Variants in ZPR1 observed in about 807,000 individuals in gnomAD.
ZPR1 encodes the protein zinc finger protein ZPR1.
In ZPR1, 37 loss-of-function variants were observed where a neutral mutation model predicts 59.6. The observed-to-expected ratio is 0.62, with a 90% CI of 0.48 to 0.82. The LOEUF (loss-of-function observed/expected upper bound fraction) is 0.82, where lower values mean the gene tolerates loss of function less well. Ranked by LOEUF, ZPR1 falls within the 40% of genes least tolerant of loss-of-function variation. The pLI, the probability that ZPR1 is intolerant of heterozygous loss-of-function variation, is 0.00. For missense variants in ZPR1, 527 were observed against 579.9 expected (o/e 0.91, Z 0.94); for synonymous variants, 191 against 215.2 (o/e 0.89, Z 0.99).
intron 8 of ZPR1, 23 bp downstream of exon 8, chr11:116,784,832 C>T: frequency 6.2e-7 from 1 of 1,613,778 alleles, no homozygotes. Context: ...TGAAGAGCAA[C>T]CCAACTGCTT....
chr11:116,783,343 AG>A (rs1207574142), intron 10 of ZPR1, among the ~76,000 whole-genome samples, 186 bp downstream of exon 10: 1 of 152,240 alleles, frequency 6.6e-6, no homozygotes, highest in East Asian at 1.9e-4. Flanking sequence ...AAGAGCTAAC[AG>A]GGTCACCTTC....
chr11:116,776,542 G>C lies in ZPR1; in HGVS notation c.*2383C>G, dbSNP rs1303518142. 6.6e-6 allele frequency: 1 copy of C among 152,202 alleles called. No individual in the cohort carries two copies. Among genetic ancestry groups the C allele is most frequent in the East Asian group, 1.9e-4 (1 of 5,194 alleles). 9.4% of individuals were successfully genotyped at this position (152,202 alleles called of 1,614,324 possible). ...AAAGGAGCTGAAAGATAATTCAAGA[G>C]AAGGGTATGAAACTGAAGAATGCCT... On this transcript the variant is annotated 3_prime_UTR_variant, in exon 14 of 14. Transcript: ENST00000227322.
chr11:116,782,791 A>G (rs1196357923), intron 11 of ZPR1, 128 bp downstream of exon 11: 2 of 682,990 alleles, frequency 2.9e-6, no homozygotes, highest in Non-Finnish European at 5.1e-6. Context: ...TAAGTCTCTT[A>G]AACCAGCTTT....
chr11:116,784,836 A>C lies in ZPR1; in HGVS notation c.820+19T>G. 1 of 1,614,036 alleles carries C rather than the reference A, an allele frequency of 6.2e-7. No individual in the cohort carries two copies. The highest frequency in any genetic ancestry group is 1.1e-5 in the South Asian group (1 of 91,062). ...CCTGAGTCAGATGAAGAGCAACCCAACTGCTTGGCAAAAGATACGTACTAG... is the reference window on the plus strand; with the variant it reads ...CCTGAGTCAGATGAAGAGCAACCCACCTGCTTGGCAAAAGATACGTACTAG... On this transcript the variant is annotated intron_variant, in intron 8 of 13. Coordinates refer to ENST00000227322, the MANE Select transcript of ZPR1 (RefSeq NM_003904.5).
At position 116,777,453 on chromosome 11, in the gene ZPR1, G is replaced by A. The variant is rs1038274350; in HGVS notation, c.*1472C>T. On this transcript the variant is annotated 3_prime_UTR_variant, in exon 14 of 14. Transcript: ENST00000227322. ...AGGCTGGCGGATTGCCTGAGCTCAGGAGTTCGAGACCAGCCTGGGCAACAC... is the reference window on the plus strand; with the variant it reads ...AGGCTGGCGGATTGCCTGAGCTCAGAAGTTCGAGACCAGCCTGGGCAACAC... The A allele has an allele frequency of 4.6e-5, 7 of 152,250 alleles. No homozygotes were observed. The highest frequency in any genetic ancestry group is 2.0e-4 in the Admixed American group (3 of 15,274). 9.4% of individuals were successfully genotyped at this position (152,250 alleles called of 1,614,324 possible). A position where few individuals can be genotyped will look rare whatever the true frequency, so the allele number is the denominator to read the frequency against.
In ZPR1 at chr11:116,778,961, T is replaced by G; in HGVS notation, c.1344A>C (p.Thr448=). The G allele has an allele frequency of 6.2e-7, 1 of 1,614,226 alleles. No individual in the cohort carries two copies. The highest frequency in any genetic ancestry group is 1.1e-5 in the South Asian group (1 of 91,086). ...GAGCCAGGCCTGCCTCATAGCCCTC[T>G]GTCTTCATGTCATTGAGCCCTAGCT... ...NEELGLNDMK[T]EGYEAGLAPQ... The change falls in exon 14 of 14, where the codon ACA becomes ACC. Residue 448 remains threonine, a synonymous_variant. Transcript: ENST00000227322.
In ZPR1 at chr11:116,785,828, C is replaced by T. The variant is rs1186053829; in HGVS notation, c.550G>A (p.Glu184Lys). 1 of 1,614,210 alleles carries T rather than the reference C, an allele frequency of 6.2e-7. No homozygotes were observed. Among genetic ancestry groups the T allele is most frequent in the Admixed American group, 1.7e-5 (1 of 60,028 alleles). ...AAAGGGGAGGCTACTTGCTTTAGCT[C>T]CTTCAGTTTGACAATGAACTCATCA... Reference protein sequence around the residue: ...RIDEFIVKLKELKQVASPFTL... With the variant: ...RIDEFIVKLKKLKQVASPFTL... Residue 184 changes from glutamate (E) to lysine (K), a missense_variant, in exon 5 of 14, where the codon GAG (glutamate) becomes AAG (lysine). Glu to Lys is a moderately conservative substitution (Grantham distance 56). Coordinates refer to ENST00000227322, the MANE Select transcript of ZPR1 (RefSeq NM_003904.5).
chr11:116,786,746 C>T (rs1184401155), intron 3 of ZPR1, among the ~76,000 whole-genome samples, 165 bp from the exon 4 acceptor site: 1 of 152,164 alleles, frequency 6.6e-6, no homozygotes, highest in Non-Finnish European at 1.5e-5. Flanking sequence ...AATAGTGATG[C>T]TAAAATTCTA....
In ZPR1 at chr11:116,778,916, C is replaced by T. The variant is rs573620469; in HGVS notation, c.*9G>A. 7.5e-5 allele frequency: 121 copies of T among 1,613,086 alleles called. No individual in the cohort carries two copies. The highest frequency in any genetic ancestry group is 1.0e-4 in the Non-Finnish European group (118 of 1,179,930). ...CAGCGCTGGAGGCTGGCCCTTGAGCCACCCACTGCTACCGTTGCGGAGCCA... is the reference window on the plus strand; with the variant it reads ...CAGCGCTGGAGGCTGGCCCTTGAGCTACCCACTGCTACCGTTGCGGAGCCA... On this transcript the variant is annotated 3_prime_UTR_variant, in exon 14 of 14. Coordinates refer to ENST00000227322, the MANE Select transcript of ZPR1 (RefSeq NM_003904.5).
In ZPR1 at chr11:116,778,644, C is replaced by T; in HGVS notation, c.*281G>A. 1 of 375,312 alleles carries T rather than the reference C, an allele frequency of 2.7e-6. No homozygotes were observed. Among genetic ancestry groups the T allele is most frequent in the Admixed American group, 4.3e-5 (1 of 23,272 alleles). 23.2% of individuals were successfully genotyped at this position (375,312 alleles called of 1,614,324 possible). ...GCATTATGTGGAAGGAGGGTGAGGA[C>T]TTGATATGAAAAAAGTGATGACATA... On this transcript the variant is annotated 3_prime_UTR_variant, in exon 14 of 14. Coordinates refer to ENST00000227322, the MANE Select transcript of ZPR1 (RefSeq NM_003904.5).
Position 116,778,166 on chromosome 11 carries a change from A to G in ZPR1, c.*759T>C, listed in dbSNP as rs1250086981. On this transcript the variant is annotated 3_prime_UTR_variant, in exon 14 of 14. Coordinates refer to ENST00000227322, the MANE Select transcript of ZPR1 (RefSeq NM_003904.5). ...CCCATTCCCTGCTTTACATTCCTCCATGACACTAATCACCATCTGATGTAC... is the reference window on the plus strand; with the variant it reads ...CCCATTCCCTGCTTTACATTCCTCCGTGACACTAATCACCATCTGATGTAC... The G allele has an allele frequency of 6.6e-6, 1 of 152,130 alleles. No individual in the cohort carries two copies. The highest frequency in any genetic ancestry group is 6.5e-5 in the Admixed American group (1 of 15,276). 9.4% of individuals were successfully genotyped at this position (152,130 alleles called of 1,614,324 possible). A position where few individuals can be genotyped will look rare whatever the true frequency, so the allele number is the denominator to read the frequency against.
At chr11:116,787,452 A>C in intron 2 of ZPR1, 30 bp downstream of exon 2, 1 of 1,604,646 alleles carries the variant, frequency 6.2e-7, no homozygotes, top group Non-Finnish European at 8.5e-7. Flanking sequence ...TCTCTAGAAT[A>C]CTGAGGTACC....
chr11:116,788,017 G>T lies in ZPR1; in HGVS notation c.-27C>A, dbSNP rs1404555886. 5 of 1,410,918 alleles carry T rather than the reference G, an allele frequency of 3.5e-6. No individual in the cohort carries two copies. The highest frequency in any genetic ancestry group is 4.6e-6 in the Non-Finnish European group (5 of 1,090,728). The allele number at this position is 1,410,918 out of a possible 1,614,324, so 87.4% of individuals were successfully genotyped here. On this transcript the variant is annotated 5_prime_UTR_variant, in exon 1 of 14. Coordinates refer to ENST00000227322, the MANE Select transcript of ZPR1 (RefSeq NM_003904.5). ...GCCACCACGCGCAATTCAGACCTCGGCTTCCTACTTCCGCCGCTCTCGCGG... is the reference window on the plus strand; with the variant it reads ...GCCACCACGCGCAATTCAGACCTCGTCTTCCTACTTCCGCCGCTCTCGCGG...
intron 1 of ZPR1, 64 bp from the exon 2 acceptor site, chr11:116,787,707 C>T: frequency 6.4e-7 from 1 of 1,556,350 alleles, no homozygotes; most frequent in Admixed American, 1.8e-5. Flanking sequence ...GCCCTACTAT[C>T]TCCGGGCGCT....
Position 116,773,875 on chromosome 11 carries a change from C to G in ZPR1, c.*5050G>C, listed in dbSNP as rs1940685136. On this transcript the variant is annotated 3_prime_UTR_variant, in exon 14 of 14. Coordinates refer to ENST00000227322, the MANE Select transcript of ZPR1 (RefSeq NM_003904.5). ...CCTGAATTATCTCATTTAACCCTCACAATTCTCAAATCGTTTCATTATCAT... is the reference window on the plus strand; with the variant it reads ...CCTGAATTATCTCATTTAACCCTCAGAATTCTCAAATCGTTTCATTATCAT... The G allele has an allele frequency of 6.6e-6, 1 of 152,188 alleles. No homozygotes were observed. The highest frequency in any genetic ancestry group is 2.1e-4 in the South Asian group (1 of 4,838). 9.4% of individuals were successfully genotyped at this position (152,188 alleles called of 1,614,324 possible).
chr11:116,783,182 T>G (rs1940834256), intron 10 of ZPR1, among the ~76,000 whole-genome samples, 153 bp from the exon 11 acceptor site: 5 of 152,192 alleles, frequency 3.3e-5, no homozygotes, highest in Admixed American at 3.3e-4. Context: ...TGAGACTCAC[T>G]CCTGTCCATC....
At position 116,787,611 on chromosome 11, in the gene ZPR1, G is replaced by C; in HGVS notation, c.204C>G (p.Pro68=). The change falls in exon 2 of 14, where the codon CCC becomes CCG. Residue 68 remains proline (P), a synonymous_variant. Transcript: ENST00000227322. ...GMTRLLLTKI[P]FFREIIVSSF... ...AGCTCACTATTATTTCTCTGAAGAA[G>C]GGAATCTTGGTGAGCAGGAGGCGCG... The C allele has an allele frequency of 6.2e-7, 1 of 1,613,112 alleles. No individual in the cohort carries two copies. The highest frequency in any genetic ancestry group is 8.5e-7 in the Non-Finnish European group (1 of 1,179,086).
At chr11:116,782,823 A>C (rs1274145639) in intron 11 of ZPR1, 96 bp downstream of exon 11, 37 of 945,994 alleles carry the variant, frequency 3.9e-5, no homozygotes, top group Non-Finnish European at 3.2e-5. Flanking sequence ...ACCCACAGTT[A>C]CCAGCACCGA....
At chr11:116,787,198 C>T in intron 2 of ZPR1, 139 bp from the exon 3 acceptor site, 1 of 795,662 alleles carries the variant, frequency 1.3e-6, no homozygotes, top group Non-Finnish European at 2.1e-6. Flanking sequence ...CAGACTGCTC[C>T]TTTCGAATAG....
Sources: allele counts gnomAD v4.1 joint callset (sites outside exome capture counted in the v4.1 genomes callset), GRCh38; gene constraint gnomAD v4.1.1; transcripts MANE v1.5; gene names NCBI Gene and HGNC (gene_info 2026-07-23, HGNC 2026-07-21).